H2AZ2: variants seen among roughly 807,000 people sequenced by gnomAD.
The protein encoded by H2AZ2 is H2A.Z variant histone 2.
A neutral mutation model predicts 15.5 loss-of-function variants in H2AZ2; 5 were observed. That is an observed-to-expected ratio of 0.32 (90% confidence interval 0.17 to 0.68). The LOEUF is 0.68. H2AZ2 is among the 30% of genes least tolerant of loss of function. The probability of loss-of-function intolerance (pLI) is 0.72; values close to 1 mark genes in which losing one functional copy is unlikely to be tolerated. For synonymous variants in H2AZ2, 44 were observed against 57.4 expected, an observed-to-expected ratio of 0.77 and a Z score of 1.05; for missense variants, 42 against 162.5, an observed-to-expected ratio of 0.26 and a Z score of 4.03.
At chr7:44,836,011 G>C (rs1483299894) in intron 3 of H2AZ2, among the ~76,000 whole-genome samples, 3 of 148,442 alleles carry the variant, frequency 2.0e-5, no homozygotes, top group Non-Finnish European at 4.4e-5. Flanking sequence ...CTAGGCTGGA[G>C]TGCAGTGGTG....
intron 2 of H2AZ2, among the ~76,000 whole-genome samples, chr7:44,842,853 T>C (rs762026910): frequency 1.5e-4 from 23 of 151,908 alleles, no homozygotes; most frequent in Admixed American, 4.6e-4. Flanking sequence ...ATTAAAAGGG[T>C]TTCTCAGCCA....
chr7:44,847,849 G>A, intron 1 of H2AZ2, 120 bp downstream of exon 1: 1 of 1,370,794 alleles, frequency 7.3e-7, no homozygotes, highest in East Asian at 2.9e-5. Context: ...CGAGGGGCTC[G>A]GCCGGACGAA....
In H2AZ2 at chr7:44,833,529, C is replaced by G. The variant is rs1793044122; in HGVS notation, c.*972G>C. On this transcript the variant is annotated 3_prime_UTR_variant, in exon 5 of 5. Coordinates refer to ENST00000308153, the MANE Select transcript of H2AZ2 (RefSeq NM_012412.5). ...GGATTACAGGCGTGAGCCACCGCGC[C>G]TGGCCGAGACGGCGTTTTACCATGT... The G allele has an allele frequency of 8.8e-6, 2 of 227,268 alleles. No individual in the cohort carries two copies. The highest frequency in any genetic ancestry group is 1.5e-5 in the Non-Finnish European group (2 of 136,836). The allele number at this position is 227,268 out of a possible 1,614,324, so 14.1% of individuals were successfully genotyped here. A position where few individuals can be genotyped will look rare whatever the true frequency, so the allele number is the denominator to read the frequency against.
In H2AZ2 at chr7:44,839,691, T is replaced by A. The variant is rs574802182; in HGVS notation, c.195+1208A>T. Among the ~76,000 whole-genome samples, 19 of 146,668 alleles carry A rather than the reference T, an allele frequency of 1.3e-4. No individual in the cohort carries two copies. The South Asian group carries it at 2.2e-3, about 17-fold the overall frequency. On this transcript the variant is annotated intron_variant, in intron 3 of 4. Coordinates refer to ENST00000308153, the MANE Select transcript of H2AZ2 (RefSeq NM_012412.5). ...AGCGAGCCTCTGTCTCAAAAAAAAA[T>A]AAATAAATAAAATAAAAATAAAAAA...
chr7:44,830,280 T>C (rs931968690), downstream of H2AZ2: 16 of 974,652 alleles, frequency 1.6e-5, no homozygotes, highest in African/African-American at 2.3e-4. Context: ...ACTATAGATA[T>C]AGGTGGTGAG....
downstream of H2AZ2, chr7:44,827,111 T>C (rs1480113148): frequency 6.6e-6 from 1 of 152,194 alleles, no homozygotes; most frequent in African/African-American, 2.4e-5. Flanking sequence ...AAAAAAAGTG[T>C]GGGAATCACC....
Position 44,832,645 on chromosome 7 carries a change from A to T in H2AZ2, c.*1856T>A, listed in dbSNP as rs1793019134. Among the ~76,000 whole-genome samples the T allele has an allele frequency of 6.6e-6, 1 of 152,216 alleles. No homozygotes were observed. The highest frequency in any genetic ancestry group is 2.4e-5 in the African/African-American group (1 of 41,454). On this transcript the variant is annotated 3_prime_UTR_variant, in exon 5 of 5. Transcript: ENST00000308153. ...CTAAGGGTCAATTAACTAGTACATT[A>T]ACTCAAGTAACAGTTACTTAGCGCA...
intron 3 of H2AZ2, 99 bp from the exon 4 acceptor site, chr7:44,835,757 T>C (rs1193214349): frequency 2.0e-6 from 2 of 987,696 alleles, no homozygotes; most frequent in Non-Finnish European, 2.9e-6. Flanking sequence ...ACACAATACA[T>C]AAACTGATAA....
At chr7:44,831,915 C>T (rs1793005707), downstream of H2AZ2, among the ~76,000 whole-genome samples, 1 of 152,050 alleles carries the variant, frequency 6.6e-6, no homozygotes, top group Non-Finnish European at 1.5e-5. Flanking sequence ...TGATGTGATA[C>T]AACATGGAGC....
chr7:44,835,225 C>T, intron 4 of H2AZ2: 1 of 378,988 alleles, frequency 2.6e-6, no homozygotes, highest in Non-Finnish European at 4.7e-6. Context: ...TATGCAACTT[C>T]TCCAACTCAT....
In H2AZ2 at chr7:44,833,599, C is replaced by T; in HGVS notation, c.*902G>A. ...CTCCTGACCTCAAGTGTTCCACCAG[C>T]CTCGGTCTCCCGAAGTGTTGGGATT... On this transcript the variant is annotated 3_prime_UTR_variant, in exon 5 of 5. Coordinates refer to ENST00000308153, the MANE Select transcript of H2AZ2 (RefSeq NM_012412.5). 1 of 739,008 alleles carries T rather than the reference C, an allele frequency of 1.4e-6. No individual in the cohort carries two copies. The highest frequency in any genetic ancestry group is 1.7e-6 in the Non-Finnish European group (1 of 604,854). The allele number at this position is 739,008 out of a possible 1,614,324, so 45.8% of individuals were successfully genotyped here. A position where few individuals can be genotyped will look rare whatever the true frequency, so the allele number is the denominator to read the frequency against.
At chr7:44,846,062 C>CACACACACACACACAGAGAGAGAG (rs57468916) in intron 1 of H2AZ2, among the ~76,000 whole-genome samples, 11 of 75,056 alleles carry the variant, frequency 1.5e-4, no homozygotes, top group Non-Finnish European at 3.5e-4. Flanking sequence ...CACACACACA[C>CACACACACACACACAGAGAGAGAG]AGAGAGAGAC....
At chr7:44,846,062 C>CACACAGAG (rs57468916) in intron 1 of H2AZ2, among the ~76,000 whole-genome samples, 4 of 75,156 alleles carry the variant, frequency 5.3e-5, no homozygotes, top group Middle Eastern at 6.9e-3. Flanking sequence ...CACACACACA[C>CACACAGAG]AGAGAGAGAC....
chr7:44,843,175 A>AAAAAAAAAAAAAAT, intron 2 of H2AZ2, 102 bp downstream of exon 2: 1 of 281,208 alleles, frequency 3.6e-6, no homozygotes, highest in Non-Finnish European at 6.7e-6. Flanking sequence ...AAAAAAAAAA[A>AAAAAAAAAAAAAAT]GTCTGTAGTA....
chr7:44,843,175 A>AAATG, intron 2 of H2AZ2, 102 bp downstream of exon 2: 1 of 281,208 alleles, frequency 3.6e-6, no homozygotes, highest in Non-Finnish European at 6.7e-6. Flanking sequence ...AAAAAAAAAA[A>AAATG]GTCTGTAGTA....
At chr7:44,827,587 T>C (rs1353116532), downstream of H2AZ2, 3 of 152,258 alleles carry the variant, frequency 2.0e-5, no homozygotes, top group African/African-American at 7.2e-5. Flanking sequence ...CTGCAGAGTT[T>C]ATTTATAGAA....
intron 2 of H2AZ2, among the ~76,000 whole-genome samples, chr7:44,841,756 A>ACTGTGCCCCGCCAGT (rs1303751760): frequency 1.3e-5 from 2 of 152,200 alleles, no homozygotes; most frequent in Non-Finnish European, 2.9e-5. Flanking sequence ...GGCATGAGCC[A>ACTGTGCCCCGCCAGT]CTGTGCCCCG....
chr7:44,841,791 C>T (rs890263990), intron 2 of H2AZ2, among the ~76,000 whole-genome samples: 9 of 152,140 alleles, frequency 5.9e-5, no homozygotes, highest in African/African-American at 1.9e-4. Flanking sequence ...TCTTACAGGC[C>T]TCCCTCAACC....
intron 4 of H2AZ2, 44 bp from the exon 5 acceptor site, chr7:44,834,606 T>C (rs1793071806): frequency 6.5e-7 from 1 of 1,527,196 alleles, no homozygotes; most frequent in Non-Finnish European, 9.0e-7. Flanking sequence ...TTTAAAGTTT[T>C]TGCCTCAAGT....
Sources: allele counts gnomAD v4.1 joint callset (sites outside exome capture counted in the v4.1 genomes callset), GRCh38; gene constraint gnomAD v4.1.1; transcripts MANE v1.5; gene names NCBI Gene and HGNC (gene_info 2026-07-23, HGNC 2026-07-21).